The following TBC1D19 variants were observed in gnomAD, a reference collection of about 807,000 sequenced individuals.
TBC1D19 encodes the protein TBC1 domain family member 19.
A neutral mutation model predicts 89.0 loss-of-function variants in TBC1D19; 60 were observed. That is an observed-to-expected ratio of 0.67 (90% CI 0.55 to 0.84). The LOEUF is 0.84. Ranked by LOEUF, TBC1D19 falls within the 40% of genes least tolerant of loss-of-function variation. The pLI is 0.00. For missense variants in TBC1D19, 500 were observed against 610.8 expected (o/e 0.82, Z 1.91); for synonymous variants, 189 against 199.7 (o/e 0.95, Z 0.45).
chr4:26,693,692 T>TA (rs34328185), intron 13 of TBC1D19, among the ~76,000 whole-genome samples: 144 of 134,422 alleles, frequency 1.1e-3, no homozygotes, highest in Middle Eastern at 4.0e-3. Context: ...AGACCCGGTC[T>TA]AAAAAAAAAA....
At chr4:26,745,401 A>G (rs1718594356) in intron 18 of TBC1D19, among the ~76,000 whole-genome samples, 1 of 150,308 alleles carries the variant, frequency 6.7e-6, no homozygotes, top group African/African-American at 2.4e-5. Flanking sequence ...CCTACTTTTG[A>G]ATTGAACATT....
chr4:26,767,317 C>T, the TBC1D19 span, among the ~76,000 whole-genome samples: 13 of 152,182 alleles, frequency 8.5e-5, no homozygotes, highest in African/African-American at 2.4e-4. Flanking sequence ...CACAGTTTCT[C>T]AGCATTGCAT....
intron 4 of TBC1D19, among the ~76,000 whole-genome samples, chr4:26,628,162 G>C (rs1322494100): frequency 1.3e-5 from 2 of 152,106 alleles, no homozygotes; most frequent in Non-Finnish European, 2.9e-5. Flanking sequence ...CCCATTGCTT[G>C]TTTTTCTCAG....
chr4:26,589,315 A>G (rs1739623049), intron 1 of TBC1D19, among the ~76,000 whole-genome samples: 8 of 152,172 alleles, frequency 5.3e-5, no homozygotes, highest in Admixed American at 5.2e-4. Flanking sequence ...AAAACCCAGT[A>G]GTAGACTGCT....
chr4:26,577,379 C>T (rs1024251121), intron 1 of TBC1D19, among the ~76,000 whole-genome samples: 3 of 152,098 alleles, frequency 2.0e-5, no homozygotes, highest in Admixed American at 2.0e-4. Flanking sequence ...ATACACCTCT[C>T]TTGTCATTTT....
At chr4:26,670,364 A>C (rs978571249) in intron 9 of TBC1D19, among the ~76,000 whole-genome samples, 2 of 151,590 alleles carry the variant, frequency 1.3e-5, no homozygotes, top group Non-Finnish European at 3.0e-5. Context: ...TTCTGGCTCA[A>C]ATACTCTAGT....
Sources: gnomAD v4.1 joint callset for allele counts (sites outside exome capture counted in the v4.1 genomes callset) on GRCh38, gnomAD v4.1.1 for gene constraint, MANE v1.5 for transcripts, NCBI Gene and HGNC (gene_info 2026-07-23, HGNC 2026-07-21) for gene names.